BCAT1: variants seen among roughly 807,000 people sequenced by gnomAD.
The protein encoded by BCAT1 is branched-chain-amino-acid aminotransferase, cytosolic.
In BCAT1, 48 loss-of-function variants were observed where a neutral mutation model predicts 52.4. The observed-to-expected ratio is 0.92, with a 90% CI of 0.73 to 1.16. The LOEUF is 1.16. Among genes scored for constraint, BCAT1 ranks in the 50% most tolerant of loss-of-function variants. The pLI is 0.00. For missense variants in BCAT1, 451 were observed against 457.1 expected (o/e 0.99, Z 0.12); for synonymous variants, 167 against 161.3 (o/e 1.04, Z -0.27).
chr12:24,918,407 T>G (rs1943451316), intron 1 of BCAT1, among the ~76,000 whole-genome samples: 1 of 152,140 alleles, frequency 6.6e-6, no homozygotes, highest in African/African-American at 2.4e-5. Context: ...TTTAGGAATC[T>G]CATACAATGT....
chr12:24,825,463 GTTT>G (rs71448089), intron 10 of BCAT1, among the ~76,000 whole-genome samples: 107,011 of 147,612 alleles, frequency 0.72, 38,902 homozygotes, highest in East Asian at 0.84. Flanking sequence ...GTTATTGCCT[GTTT>G]TTTTTTTTTT....
chr12:24,835,725 A>G (rs994818612), intron 8 of BCAT1, among the ~76,000 whole-genome samples: 9 of 152,184 alleles, frequency 5.9e-5, no homozygotes, highest in Non-Finnish European at 1.3e-4. Flanking sequence ...AGTAGCTGGG[A>G]CTACAGGCAT....
At chr12:24,947,593 C>T (rs1943950728) in intron 1 of BCAT1, among the ~76,000 whole-genome samples, 1 of 152,162 alleles carries the variant, frequency 6.6e-6, no homozygotes, top group Non-Finnish European at 1.5e-5. Context: ...TCATTTCTTT[C>T]TTAATCTTAG....
chr12:24,850,060 G>A, intron 5 of BCAT1, 111 bp from the exon 6 acceptor site: 1 of 1,031,456 alleles, frequency 9.7e-7, no homozygotes, highest in Non-Finnish European at 1.3e-6. Flanking sequence ...AATTACAGGA[G>A]CTATTACCAT....
At chr12:24,847,863 G>A (rs1941392663) in intron 6 of BCAT1, among the ~76,000 whole-genome samples, 2 of 152,164 alleles carry the variant, frequency 1.3e-5, no homozygotes, top group Admixed American at 1.3e-4. Context: ...GGTGTCAAGG[G>A]TAACTGTTGA....
rs1482531853 is a variant in BCAT1, at chr12:24,836,877, A to G, written c.818-281T>C. ...GAAAGGAAGGAAGGAAGGAAAGAGA[A>G]AGAGAAAGAAAGAAAGAAAGAAAAG... On this transcript the variant is annotated intron_variant, in intron 7 of 10. Transcript: ENST00000261192. 2.2e-3 allele frequency among the ~76,000 whole-genome samples: 145 copies of G among 66,868 alleles called. 2 individuals are homozygous for G. The highest frequency in any genetic ancestry group is 6.7e-3 in the African/African-American group (143 of 21,416). 43.9% of individuals were successfully genotyped at this position (66,868 alleles called of 152,430 possible).
chr12:24,908,666 A>G (rs962247236), intron 1 of BCAT1, among the ~76,000 whole-genome samples: 8 of 152,152 alleles, frequency 5.3e-5, no homozygotes, highest in African/African-American at 1.9e-4. Flanking sequence ...ACTTGAGCCC[A>G]GGAGGTGGAG....
chr12:24,894,480 G>A lies in BCAT1; in HGVS notation c.79-5C>T, dbSNP rs1448821388. ...TGTGACTATTAGGTCTTTAGCCTGG[G>A]GAAGAAAAATCATCACTATTTACAG... On this transcript the variant is annotated splice_region_variant and splice_polypyrimidine_tract_variant and intron_variant, in intron 2 of 10. Transcript: ENST00000261192. 3 of 1,577,502 alleles carry A rather than the reference G, an allele frequency of 1.9e-6. No homozygotes were observed. The highest frequency in any genetic ancestry group is 2.6e-6 in the Non-Finnish European group (3 of 1,160,148).
At chr12:24,829,767 T>G in intron 10 of BCAT1, 56 bp downstream of exon 10, 1 of 1,353,284 alleles carries the variant, frequency 7.4e-7, no homozygotes, top group African/African-American at 1.5e-5. Flanking sequence ...AGAAATAAGG[T>G]GACATAAAAA....
At chr12:24,877,936 T>C (rs1204351661) in intron 5 of BCAT1, among the ~76,000 whole-genome samples, 3 of 152,130 alleles carry the variant, frequency 2.0e-5, no homozygotes, top group Non-Finnish European at 4.4e-5. Context: ...GGAGGATTGC[T>C]AGAGGCCAGG....
chr12:24,848,284 C>A (rs1405382236), intron 6 of BCAT1, among the ~76,000 whole-genome samples: 1 of 152,110 alleles, frequency 6.6e-6, no homozygotes, highest in Admixed American at 6.6e-5. Flanking sequence ...CTATTATACC[C>A]CTTCCCGAAC....
At chr12:24,868,591 A>G (rs1176428419) in intron 5 of BCAT1, among the ~76,000 whole-genome samples, 1 of 152,240 alleles carries the variant, frequency 6.6e-6, no homozygotes, top group Non-Finnish European at 1.5e-5. Flanking sequence ...GTCTCCGTGC[A>G]GAAAAATAAA....
intron 1 of BCAT1, among the ~76,000 whole-genome samples, chr12:24,907,564 C>G (rs1943245231): frequency 6.6e-6 from 1 of 152,190 alleles, no homozygotes; most frequent in African/African-American, 2.4e-5. Context: ...CCTAACCGAT[C>G]AATTGACTTT....
In BCAT1 at chr12:24,857,121, C is replaced by T. The variant is rs990853674; in HGVS notation, c.511-7172G>A. Among the ~76,000 whole-genome samples, 6 of 152,266 alleles carry T rather than the reference C, an allele frequency of 3.9e-5. No individual in the cohort carries two copies. The South Asian group carries it at 1.0e-3, about 26-fold the overall frequency. On this transcript the variant is annotated intron_variant, in intron 5 of 10. Coordinates refer to ENST00000261192, the MANE Select transcript of BCAT1 (RefSeq NM_005504.7). ...GGCTTTGCTATTTCACAGTGGTGGCCTGGATTCAATTCCTAGCTTCGGGAA... is the reference window on the plus strand; with the variant it reads ...GGCTTTGCTATTTCACAGTGGTGGCTTGGATTCAATTCCTAGCTTCGGGAA...
chr12:24,881,309 T>C lies in BCAT1; in HGVS notation c.382A>G (p.Thr128Ala), dbSNP rs756636814. 2.0e-5 allele frequency: 32 copies of C among 1,606,330 alleles called. No homozygotes were observed. In the East Asian group the frequency reaches 4.0e-4, roughly 20 times the overall value. ...CTCCTACACTTACATACCGGCAGAGTTGCCCTCACAGCAGAGCGATACATT... is the reference window on the plus strand; with the variant it reads ...CTCCTACACTTACATACCGGCAGAGCTGCCCTCACAGCAGAGCGATACATT... ...DRMYRSAVRA[T>A]LPVFDKEELL... The change falls in exon 4 of 11, where the codon ACT (threonine) becomes GCT (alanine). Residue 128 changes from threonine (T) to alanine (A), a missense_variant. Transcript: ENST00000261192.
chr12:24,926,205 C>T (rs1943580852), intron 1 of BCAT1, among the ~76,000 whole-genome samples: 1 of 151,776 alleles, frequency 6.6e-6, no homozygotes. Context: ...CCCTGCTGCC[C>T]CGTCTGGGAG....
chr12:24,929,545 G>A (rs1943648019), intron 1 of BCAT1, among the ~76,000 whole-genome samples: 1 of 152,132 alleles, frequency 6.6e-6, no homozygotes, highest in African/African-American at 2.4e-5. Flanking sequence ...ACTTTGATAA[G>A]AATCTCATCA....
At chr12:24,823,034 CTT>C (rs5797104) in intron 10 of BCAT1, among the ~76,000 whole-genome samples, 14,799 of 141,440 alleles carry the variant, frequency 0.1, 895 homozygotes, top group Non-Finnish European at 0.14. Flanking sequence ...TTTGTTTTGA[CTT>C]TTTTTTTTTT....
chr12:24,844,548 C>T (rs1306230716), intron 6 of BCAT1, among the ~76,000 whole-genome samples: 1 of 152,062 alleles, frequency 6.6e-6, no homozygotes, highest in Non-Finnish European at 1.5e-5. Context: ...AGACATCATA[C>T]TATGGTGATT....
Sources: gnomAD v4.1 joint callset for allele counts (sites outside exome capture counted in the v4.1 genomes callset) on GRCh38, gnomAD v4.1.1 for gene constraint, MANE v1.5 for transcripts, NCBI Gene and HGNC (gene_info 2026-07-23, HGNC 2026-07-21) for gene names.